Variants in RSU1 observed in about 807,000 individuals in gnomAD.
RSU1 encodes the protein rsu-1.
In RSU1, 26 loss-of-function variants were observed where a neutral mutation model predicts 31.1. The observed-to-expected ratio is 0.84, with a 90% CI of 0.61 to 1.16. RSU1 has a LOEUF of 1.16. Ranked by LOEUF, RSU1 falls within the 50% of genes most tolerant of loss-of-function variation. The pLI, the probability that RSU1 is intolerant of heterozygous loss-of-function variation, is 0.00. For synonymous variants in RSU1, 164 were observed against 136.3 expected, an observed-to-expected ratio of 1.20 and a Z score of -1.41; for missense variants, 320 against 339.1, an observed-to-expected ratio of 0.94 and a Z score of 0.44.
Position 16,817,069 on chromosome 10 carries a change from G to T in RSU1, c.13C>A (p.Leu5Met). Residue 5 changes from leucine to methionine, a missense_variant, in exon 2 of 9, where the codon CTG (leucine) becomes ATG (methionine). Physicochemically the swap from Leu to Met is conservative, Grantham distance 15. Coordinates refer to ENST00000345264, the MANE Select transcript of RSU1 (RefSeq NM_012425.4). ...CGGCTCTCCTCCACCAACTTCTTCAGAGACTTGGACATGGTCTGCACCGAA... is the reference window on the plus strand; with the variant it reads ...CGGCTCTCCTCCACCAACTTCTTCATAGACTTGGACATGGTCTGCACCGAA... MSKS[L>M]KKLVEESREK... 6.2e-7 allele frequency: 1 copy of T among 1,613,670 alleles called. No individual in the cohort carries two copies. Among genetic ancestry groups the T allele is most frequent in the East Asian group, 2.2e-5 (1 of 44,884 alleles).
intron 8 of RSU1, among the ~76,000 whole-genome samples, chr10:16,646,093 CAT>C (rs1339052817): frequency 7.6e-6 from 1 of 131,752 alleles, no homozygotes; most frequent in Non-Finnish European, 1.6e-5. Context: ...CACACACATA[CAT>C]ATATAAATGT....
chr10:16,688,469 T>C (rs1271624112), intron 8 of RSU1, among the ~76,000 whole-genome samples: 1 of 151,930 alleles, frequency 6.6e-6, no homozygotes, highest in African/African-American at 2.4e-5. Flanking sequence ...ATCAGCCAGA[T>C]GTGGTAGCGA....
chr10:16,759,205 T>G (rs1378520238), intron 4 of RSU1, among the ~76,000 whole-genome samples: 1 of 151,974 alleles, frequency 6.6e-6, no homozygotes, highest in Non-Finnish European at 1.5e-5. Context: ...AAATAAAAAT[T>G]TAAAAAAATC....
chr10:16,666,716 G>A (rs1046036801), intron 8 of RSU1, among the ~76,000 whole-genome samples: 3 of 152,104 alleles, frequency 2.0e-5, no homozygotes, highest in East Asian at 1.9e-4. Flanking sequence ...AGCCGGGTGC[G>A]GTGGCACACA....
chr10:16,599,814 G>A, intron 8 of RSU1, among the ~76,000 whole-genome samples: 1 of 152,182 alleles, frequency 6.6e-6, no homozygotes, highest in East Asian at 1.9e-4. Flanking sequence ...AATCTGCACT[G>A]CCAGCCTGTG....
intron 7 of RSU1, among the ~76,000 whole-genome samples, chr10:16,725,052 C>G (rs1836357620): frequency 6.6e-6 from 1 of 152,180 alleles, no homozygotes; most frequent in Non-Finnish European, 1.5e-5. Context: ...TCAGAGGAAA[C>G]TCTGAAACTC....
chr10:16,805,067 G>T (rs1341236520), intron 2 of RSU1, among the ~76,000 whole-genome samples: 1 of 152,092 alleles, frequency 6.6e-6, no homozygotes, highest in Non-Finnish European at 1.5e-5. Flanking sequence ...CGGGTGTGAT[G>T]GCGCCTGCCT....
chr10:16,604,527 C>T (rs1334760695), intron 8 of RSU1, among the ~76,000 whole-genome samples: 1 of 152,156 alleles, frequency 6.6e-6, no homozygotes, highest in Non-Finnish European at 1.5e-5. Flanking sequence ...GGCCAGCTCC[C>T]CTCCTATACC....
intron 8 of RSU1, among the ~76,000 whole-genome samples, chr10:16,608,842 C>A (rs372135492): frequency 1.1e-4 from 16 of 152,206 alleles, no homozygotes; most frequent in East Asian, 5.8e-4. Context: ...AATTTTCATC[C>A]ATTTCCTCCT....
Position 16,641,626 on chromosome 10 carries a change from G to T in RSU1, c.732-48130C>A, listed in dbSNP as rs117841819. On this transcript the variant is annotated intron_variant, in intron 8 of 8. Transcript: ENST00000345264. ...CTTGGGTGGGCCCATTAATGAACCT[G>T]GCTCTCTGAAACTCTCAGGCCAGAT... Among the ~76,000 whole-genome samples the T allele has an allele frequency of 4.6e-3, 707 of 152,250 alleles. 3 individuals carry two copies. Among genetic ancestry groups the T allele is most frequent in the Non-Finnish European group, 8.0e-3 (542 of 68,018 alleles).
chr10:16,765,351 T>A (rs990242923), intron 3 of RSU1, among the ~76,000 whole-genome samples: 1 of 152,048 alleles, frequency 6.6e-6, no homozygotes, highest in African/African-American at 2.4e-5. Flanking sequence ...CACACATACA[T>A]ACATATACAC....
At chr10:16,805,457 G>A (rs770507167) in intron 2 of RSU1, among the ~76,000 whole-genome samples, 1 of 152,066 alleles carries the variant, frequency 6.6e-6, no homozygotes, top group East Asian at 2.0e-4. Flanking sequence ...GGATCACGAC[G>A]TGAGGAGATC....
rs1837275933 is a variant in RSU1 at position 16,764,553 on chromosome 10, T to C, written c.161-43A>G. On this transcript the variant is annotated intron_variant, in intron 3 of 8. Transcript: ENST00000345264. ...CTGAGTGTGAATCTGGGAATGGAAC[T>C]CCTAGCAAGGGATGGCAGCGGCACA... is the stretch of plus-strand genomic sequence containing the variant. 6.9e-6 allele frequency: 11 copies of C among 1,590,086 alleles called. 1 individual carries two copies. The East Asian group carries it at 2.5e-4, about 36-fold the overall frequency.
intron 2 of RSU1, among the ~76,000 whole-genome samples, chr10:16,801,412 A>G (rs1261151508): frequency 6.6e-6 from 1 of 152,186 alleles, no homozygotes; most frequent in African/African-American, 2.4e-5. Flanking sequence ...TAGAAATGCA[A>G]AGAGAAAGAA....
At chr10:16,732,148 T>C (rs1222787551) in intron 7 of RSU1, among the ~76,000 whole-genome samples, 2 of 152,154 alleles carry the variant, frequency 1.3e-5, no homozygotes, top group Non-Finnish European at 2.9e-5. Flanking sequence ...TCATGGGAAG[T>C]ACACAAAGGG....
At chr10:16,596,133 G>A (rs1033030459) in intron 8 of RSU1, among the ~76,000 whole-genome samples, 2 of 152,140 alleles carry the variant, frequency 1.3e-5, no homozygotes, top group Non-Finnish European at 1.5e-5. Flanking sequence ...TAGATAGGGA[G>A]TAAAGTTCAG....
intron 8 of RSU1, among the ~76,000 whole-genome samples, chr10:16,647,252 G>A (rs984603013): frequency 6.6e-6 from 1 of 152,158 alleles, no homozygotes; most frequent in Admixed American, 6.5e-5. Flanking sequence ...GATTACTGGT[G>A]TGAGCCACCG....
At chr10:16,772,641 GAAAAAAAAA>G (rs60460081) in intron 3 of RSU1, among the ~76,000 whole-genome samples, 1 of 64,774 alleles carries the variant, frequency 1.5e-5, no homozygotes, top group Non-Finnish European at 3.1e-5. Flanking sequence ...AGTAGAATAT[GAAAAAAAAA>G]AAAAAAAAAA....
intron 2 of RSU1, among the ~76,000 whole-genome samples, chr10:16,798,030 T>G (rs949947345): frequency 7.9e-5 from 12 of 151,954 alleles, no homozygotes; most frequent in African/African-American, 2.9e-4. Context: ...CCCGGCTAAT[T>G]CTTGTATTTT....
Sources: gnomAD v4.1 joint callset for allele counts (sites outside exome capture counted in the v4.1 genomes callset) on GRCh38, gnomAD v4.1.1 for gene constraint, MANE v1.5 for transcripts, NCBI Gene and HGNC (gene_info 2026-07-23, HGNC 2026-07-21) for gene names.